GSK3B: variants seen among roughly 807,000 people sequenced by gnomAD.
The protein encoded by GSK3B is glycogen synthase kinase-3 beta.
In GSK3B, 15 loss-of-function variants were observed where a neutral mutation model predicts 56.4. The observed-to-expected ratio is 0.27, with a 90% CI of 0.18 to 0.41. The LOEUF (loss-of-function observed/expected upper bound fraction) is 0.41, where lower values mean the gene tolerates loss of function less well. GSK3B is among the 10% of genes least tolerant of loss of function. The probability of loss-of-function intolerance (pLI) is 1.00; values close to 1 mark genes in which losing one functional copy is unlikely to be tolerated. For synonymous variants in GSK3B, 181 were observed against 188.9 expected (o/e 0.96, Z 0.34); for missense variants, 300 against 513.4 (o/e 0.58, Z 4.02).
intron 4 of GSK3B, among the ~76,000 whole-genome samples, chr3:119,918,268 C>T (rs980937516): frequency 2.6e-5 from 4 of 151,678 alleles, no homozygotes; most frequent in African/African-American, 7.3e-5. Context: ...CTCAGGAGTT[C>T]GAGACCACCC....
intron 2 of GSK3B, among the ~76,000 whole-genome samples, chr3:119,951,591 T>C (rs560339382): frequency 6.6e-5 from 10 of 152,054 alleles, no homozygotes; most frequent in African/African-American, 1.9e-4. Flanking sequence ...GAACCTAGCA[T>C]TGCTACAATA....
At chr3:119,865,838 C>T (rs940127453) in intron 8 of GSK3B, among the ~76,000 whole-genome samples, 4 of 151,940 alleles carry the variant, frequency 2.6e-5, no homozygotes, top group African/African-American at 7.3e-5. Flanking sequence ...TCATCCATAT[C>T]GGTACTAAGA....
At chr3:119,831,407 C>T (rs572426186) in intron 10 of GSK3B, among the ~76,000 whole-genome samples, 3 of 152,212 alleles carry the variant, frequency 2.0e-5, no homozygotes, top group African/African-American at 7.2e-5. Flanking sequence ...ACTGTAATCC[C>T]AGCACTTTGG....
intron 1 of GSK3B, among the ~76,000 whole-genome samples, chr3:120,068,390 C>CAAA (rs66541739): frequency 3.9e-5 from 2 of 51,602 alleles, no homozygotes; most frequent in Non-Finnish European, 3.8e-5. Flanking sequence ...GACTCCGTCT[C>CAAA]AAAAAAAAAA....
At chr3:120,035,190 C>A (rs1325805792) in intron 1 of GSK3B, among the ~76,000 whole-genome samples, 2 of 152,058 alleles carry the variant, frequency 1.3e-5, no homozygotes, top group Non-Finnish European at 2.9e-5. Flanking sequence ...CACAAACATA[C>A]ACAGAGAGCA....
chr3:120,078,949 T>C (rs2058390230), intron 1 of GSK3B, among the ~76,000 whole-genome samples: 1 of 109,120 alleles, frequency 9.2e-6, no homozygotes, highest in South Asian at 3.2e-4. Context: ...ACACACACTT[T>C]TTTTTCTTTT....
intron 7 of GSK3B, among the ~76,000 whole-genome samples, chr3:119,891,178 T>C (rs1329216439): frequency 6.6e-6 from 1 of 151,666 alleles, no homozygotes; most frequent in Non-Finnish European, 1.5e-5. Flanking sequence ...TGATTTTACT[T>C]AAGGAATGTA....
chr3:120,024,158 C>T (rs2057903627), intron 1 of GSK3B, among the ~76,000 whole-genome samples: 1 of 152,018 alleles, frequency 6.6e-6, no homozygotes, highest in South Asian at 2.1e-4. Flanking sequence ...TAGTGAGATA[C>T]TGTCTCTACA....
At chr3:120,079,347 CACA>C (rs2058396543) in intron 1 of GSK3B, among the ~76,000 whole-genome samples, 3 of 96,168 alleles carry the variant, frequency 3.1e-5, no homozygotes, top group Non-Finnish European at 6.4e-5. Context: ...CACACACACA[CACA>C]TTTTTTTTTT....
chr3:119,964,888 A>G (rs2057304886), intron 2 of GSK3B, among the ~76,000 whole-genome samples: 1 of 152,168 alleles, frequency 6.6e-6, no homozygotes, highest in Non-Finnish European at 1.5e-5. Flanking sequence ...AAATGCATTA[A>G]ATTGCACACA....
At chr3:119,983,452 A>G (rs1274106236) in intron 2 of GSK3B, among the ~76,000 whole-genome samples, 1 of 152,124 alleles carries the variant, frequency 6.6e-6, no homozygotes, top group Non-Finnish European at 1.5e-5. Flanking sequence ...TGCTGTATTC[A>G]GGAGACCCAT....
chr3:119,916,401 T>C (rs867662006), intron 4 of GSK3B, among the ~76,000 whole-genome samples: 1 of 152,210 alleles, frequency 6.6e-6, no homozygotes, highest in Non-Finnish European at 1.5e-5. Flanking sequence ...CGCTTCATTC[T>C]TTAATAACTC....
At position 119,947,290 on chromosome 3, in the gene GSK3B, A is replaced by G; in HGVS notation, c.344T>C (p.Phe115Ser). ...TACCTTCTCACCACTGGAGTAGAAG[A>G]AATAACGCAATCGGACTATGTTACA... is the stretch of plus-strand genomic sequence containing the variant. ...DHCNIVRLRYFFYSSGEKKDE... is the reference protein window; with the variant it reads ...DHCNIVRLRYSFYSSGEKKDE... Residue 115 changes from phenylalanine (F) to serine (S), a missense_variant, in exon 3 of 11, where the codon TTC becomes TCC. By Grantham distance (155) the Phe-to-Ser change is radical. Coordinates refer to ENST00000264235, the MANE Select transcript of GSK3B (RefSeq NM_001146156.2). 6.3e-7 allele frequency: 1 copy of G among 1,597,854 alleles called. No individual in the cohort carries two copies. Among genetic ancestry groups the G allele is most frequent in the African/African-American group, 1.3e-5 (1 of 74,786 alleles).
At chr3:120,062,560 T>C (rs1333933264) in intron 1 of GSK3B, among the ~76,000 whole-genome samples, 4 of 152,254 alleles carry the variant, frequency 2.6e-5, no homozygotes, top group Non-Finnish European at 5.9e-5. Flanking sequence ...ATCTATGATA[T>C]ACTGACAAGT....
Position 119,891,737 on chromosome 3 carries a change from C to T in GSK3B, c.813+14018G>A, listed in dbSNP as rs1042288101. Among the ~76,000 whole-genome samples the T allele has an allele frequency of 1.8e-4, 28 of 152,186 alleles. No homozygotes were observed. The East Asian group carries it at 4.4e-3, about 24-fold the overall frequency. ...TTAAACTAGATGGAAATGCTTTATGCACTCTTCTGTAAGTGTATTTCATAC... is the reference window on the plus strand; with the variant it reads ...TTAAACTAGATGGAAATGCTTTATGTACTCTTCTGTAAGTGTATTTCATAC... On this transcript the variant is annotated intron_variant, in intron 7 of 10. Coordinates refer to ENST00000264235, the MANE Select transcript of GSK3B (RefSeq NM_001146156.2).
chr3:120,017,685 A>G (rs895095299), intron 1 of GSK3B, among the ~76,000 whole-genome samples: 1 of 152,240 alleles, frequency 6.6e-6, no homozygotes, highest in Admixed American at 6.5e-5. Flanking sequence ...TTCTCCCAGA[A>G]GACTACTGCT....
intron 3 of GSK3B, among the ~76,000 whole-genome samples, chr3:119,925,928 G>A (rs968822716): frequency 7.2e-5 from 11 of 152,062 alleles, no homozygotes; most frequent in African/African-American, 2.7e-4. Flanking sequence ...ATTTGACTTG[G>A]CACTACCATT....
At chr3:120,002,748 T>C (rs1377733540) in intron 1 of GSK3B, among the ~76,000 whole-genome samples, 1 of 152,220 alleles carries the variant, frequency 6.6e-6, no homozygotes, top group African/African-American at 2.4e-5. Context: ...TATTCAGTCA[T>C]TCTATAGACC....
Position 119,954,302 on chromosome 3 carries a change from TAGAAA to T in GSK3B, c.283-6956_283-6952del, listed in dbSNP as rs71619764. On this transcript the variant is annotated intron_variant, in intron 2 of 10. Coordinates refer to ENST00000264235, the MANE Select transcript of GSK3B (RefSeq NM_001146156.2). ...TAGAATAGAATAGAATAGAATAGAA[TAGAAA>T]AGAAACAGAACAGAACAGAACAGCA... is the stretch of plus-strand genomic sequence containing the variant. Among the ~76,000 whole-genome samples the T allele has an allele frequency of 4.6e-3, 442 of 96,972 alleles. 2 individuals are homozygous for T. The highest frequency in any genetic ancestry group is 0.017 in the South Asian group (56 of 3,292). 63.6% of individuals were successfully genotyped at this position (96,972 alleles called of 152,430 possible).
Sources: gnomAD v4.1 joint callset for allele counts (sites outside exome capture counted in the v4.1 genomes callset) on GRCh38, gnomAD v4.1.1 for gene constraint, MANE v1.5 for transcripts, NCBI Gene and HGNC (gene_info 2026-07-23, HGNC 2026-07-21) for gene names.